Variants in CNTN6 observed in about 807,000 individuals in gnomAD.
CNTN6 encodes contactin-6.
CNTN6 carries 137 observed loss-of-function variants against 122.8 expected under a neutral mutation model. The observed-to-expected ratio is 1.12, with a 90% CI of 0.97 to 1.29. The LOEUF (loss-of-function observed/expected upper bound fraction) is 1.29. Among genes scored for constraint, CNTN6 ranks in the 50% most tolerant of loss-of-function variants. CNTN6 has a pLI of 0.00. For synonymous variants in CNTN6, 570 were observed against 426.0 expected, an observed-to-expected ratio of 1.34 and a Z score of -4.16; for missense variants, 1,634 against 1,223.4, an observed-to-expected ratio of 1.34 and a Z score of -5.01.
intron 20 of CNTN6, among the ~76,000 whole-genome samples, chr3:1,400,912 A>T (rs1306352137): frequency 6.6e-6 from 1 of 152,120 alleles, no homozygotes; most frequent in Non-Finnish European, 1.5e-5. Flanking sequence ...ATCTGCCATG[A>T]CTTATAAGAA....
At chr3:1,193,160 G>A (rs1227889315) in intron 2 of CNTN6, among the ~76,000 whole-genome samples, 2 of 152,124 alleles carry the variant, frequency 1.3e-5, no homozygotes, top group Non-Finnish European at 2.9e-5. Flanking sequence ...CAAATTAAGC[G>A]CAGGTTAACA....
intron 4 of CNTN6, among the ~76,000 whole-genome samples, chr3:1,251,837 A>T (rs1416253613): frequency 6.6e-6 from 1 of 152,130 alleles, no homozygotes; most frequent in Non-Finnish European, 1.5e-5. Flanking sequence ...CTGACCCTTT[A>T]ATATAATTTA....
At chr3:1,245,296 AT>A in intron 4 of CNTN6, among the ~76,000 whole-genome samples, 1 of 1,700 alleles carries the variant, frequency 5.9e-4, no homozygotes, top group Non-Finnish European at 1.1e-3. Flanking sequence ...TATATATAAC[AT>A]ATATATATAT....
At chr3:1,230,731 T>C (rs1377503811) in intron 4 of CNTN6, among the ~76,000 whole-genome samples, 1 of 152,196 alleles carries the variant, frequency 6.6e-6, no homozygotes, top group East Asian at 1.9e-4. Flanking sequence ...AGTTGGAACT[T>C]GTGTATAGAC....
chr3:1,239,949 G>T (rs1473002554), intron 4 of CNTN6, among the ~76,000 whole-genome samples: 1 of 152,138 alleles, frequency 6.6e-6, no homozygotes, highest in African/African-American at 2.4e-5. Context: ...AACAAATGGT[G>T]CTGGGATCAT....
At chr3:1,203,471 AGTAC>A (rs2093913692) in intron 2 of CNTN6, among the ~76,000 whole-genome samples, 1 of 152,246 alleles carries the variant, frequency 6.6e-6, no homozygotes, top group South Asian at 2.1e-4. Flanking sequence ...GGGCAGGAGA[AGTAC>A]GTGACAGGAA....
chr3:1,333,035 C>T (rs930064383), intron 11 of CNTN6, among the ~76,000 whole-genome samples: 1 of 151,938 alleles, frequency 6.6e-6, no homozygotes, highest in South Asian at 2.1e-4. Context: ...TGTTTTCTTA[C>T]ATTTGAATAC....
At chr3:1,264,326 G>A (rs564536493) in intron 4 of CNTN6, among the ~76,000 whole-genome samples, 3 of 152,168 alleles carry the variant, frequency 2.0e-5, no homozygotes, top group East Asian at 3.9e-4. Context: ...ATAAATACAT[G>A]AGTTAGTGAA....
chr3:1,212,978 C>T (rs2094068031), intron 2 of CNTN6, among the ~76,000 whole-genome samples: 1 of 152,090 alleles, frequency 6.6e-6, no homozygotes, highest in Non-Finnish European at 1.5e-5. Context: ...GATAATTCAA[C>T]AAGACCTAAC....
chr3:1,286,006 G>A (rs991963673), intron 5 of CNTN6, among the ~76,000 whole-genome samples: 1 of 152,076 alleles, frequency 6.6e-6, no homozygotes, highest in Non-Finnish European at 1.5e-5. Context: ...TAAGTCCCAT[G>A]CTGCACATTC....
intron 4 of CNTN6, among the ~76,000 whole-genome samples, chr3:1,238,680 A>G (rs1315070746): frequency 3.9e-5 from 6 of 152,236 alleles, no homozygotes; most frequent in Admixed American, 3.9e-4. Flanking sequence ...AACATAGACC[A>G]TACGATAGGC....
chr3:1,359,027 T>A (rs890832699), intron 12 of CNTN6, among the ~76,000 whole-genome samples: 1 of 152,016 alleles, frequency 6.6e-6, no homozygotes, highest in Non-Finnish European at 1.5e-5. Flanking sequence ...GCCACTGTAC[T>A]CCAGCCTAGG....
intron 2 of CNTN6, among the ~76,000 whole-genome samples, chr3:1,170,960 C>T (rs898971864): frequency 4.6e-5 from 7 of 152,050 alleles, no homozygotes; most frequent in African/African-American, 9.7e-5. Flanking sequence ...ATGCAAAGTG[C>T]GTAGAAAGTG....
intron 1 of CNTN6, among the ~76,000 whole-genome samples, chr3:1,097,609 A>C (rs1280612683): frequency 6.6e-6 from 1 of 152,172 alleles, no homozygotes; most frequent in Non-Finnish European, 1.5e-5. Context: ...TCTAGCACAG[A>C]ATAGCTCTGT....
rs1559981386 is a variant in CNTN6, at chr3:1,383,006, G to C, written c.2231G>C (p.Gly744Ala). The change falls in exon 18 of 23, where the codon GGC (glycine) becomes GCC (alanine). Residue 744 changes from glycine (G) to alanine (A), a missense_variant. Transcript: ENST00000446702. ...FGYIIMFRPV[G>A]STTWSKEKVS... The stretch of plus-strand genomic sequence containing the variant: ...TATATCATCATGTTCCGGCCAGTGG[G>C]CTCGACAACCTGGTCCAAGGAGAAA... 6.2e-7 allele frequency: 1 copy of C among 1,614,092 alleles called. No homozygotes were observed. Among genetic ancestry groups the C allele is most frequent in the East Asian group, 2.2e-5 (1 of 44,890 alleles).
At chr3:1,249,247 T>G (rs1255693542) in intron 4 of CNTN6, among the ~76,000 whole-genome samples, 2 of 152,188 alleles carry the variant, frequency 1.3e-5, no homozygotes, top group East Asian at 3.9e-4. Context: ...AATTGGTATT[T>G]CCCACCACTA....
intron 4 of CNTN6, among the ~76,000 whole-genome samples, chr3:1,247,863 T>A (rs1472962271): frequency 6.6e-6 from 1 of 151,880 alleles, no homozygotes; most frequent in Non-Finnish European, 1.5e-5. Context: ...AAAAAAAAAA[T>A]TCCCAAACTA....
rs530053469 is a variant in CNTN6 at position 1,175,617 on chromosome 3, T to A, written c.55+27554T>A. ...AACAATATGAAGTTATTAAAGACTT[T>A]CTAGCTGCAAGAGGGCAGTAGAGCA... On this transcript the variant is annotated intron_variant, in intron 2 of 22. Coordinates refer to ENST00000446702, the MANE Select transcript of CNTN6 (RefSeq NM_001289080.2). 2.0e-5 allele frequency among the ~76,000 whole-genome samples: 3 copies of A among 152,306 alleles called. No homozygotes were observed. In the South Asian group the frequency reaches 6.2e-4, roughly 32 times the overall value.
chr3:1,396,210 C>T (rs1318152247), intron 20 of CNTN6, among the ~76,000 whole-genome samples: 2 of 152,198 alleles, frequency 1.3e-5, no homozygotes, highest in Non-Finnish European at 2.9e-5. Flanking sequence ...ACATCTCAAA[C>T]TTACTGATCT....
Sources: allele counts gnomAD v4.1 joint callset (sites outside exome capture counted in the v4.1 genomes callset), GRCh38; gene constraint gnomAD v4.1.1; transcripts MANE v1.5; gene names NCBI Gene and HGNC (gene_info 2026-07-23, HGNC 2026-07-21).